Variants in PCDH7 observed in about 807,000 individuals in gnomAD.
PCDH7 encodes the protein protocadherin-7.
A neutral mutation model predicts 58.9 loss-of-function variants in PCDH7; 17 were observed. The ratio of observed to expected loss-of-function variants is 0.29; its 90% CI spans 0.20 to 0.43. The LOEUF (loss-of-function observed/expected upper bound fraction) is 0.43. PCDH7 is among the 20% of genes least tolerant of loss of function. PCDH7 has a pLI of 1.00. For missense variants in PCDH7, 1,274 were observed against 1,441.0 expected (o/e 0.88, Z 1.88); for synonymous variants, 664 against 616.4 (o/e 1.08, Z -1.14).
At chr4:30,807,180 AC>A (rs1453308712) in intron 1 of PCDH7, among the ~76,000 whole-genome samples, 1 of 152,224 alleles carries the variant, frequency 6.6e-6, no homozygotes, top group Non-Finnish European at 1.5e-5. Flanking sequence ...TACCAAAATA[AC>A]CTGAACATTG....
At chr4:31,107,761 CTT>C (rs922134226) in intron 3 of PCDH7, among the ~76,000 whole-genome samples, 40 of 152,042 alleles carry the variant, frequency 2.6e-4, no homozygotes, top group African/African-American at 9.4e-4. Context: ...AAAATATAGT[CTT>C]TGAAGTCAGT....
At chr4:31,052,017 C>A (rs920272878) in intron 3 of PCDH7, among the ~76,000 whole-genome samples, 7 of 151,958 alleles carry the variant, frequency 4.6e-5, no homozygotes, top group African/African-American at 1.7e-4. Flanking sequence ...GGTAATTTTG[C>A]AAATATCTGA....
chr4:31,143,795 A>T (rs796975904), downstream of PCDH7: 8 of 152,330 alleles, frequency 5.3e-5, no homozygotes, highest in African/African-American at 1.9e-4. Context: ...GCACAGAAAC[A>T]ATCAAACACT....
chr4:30,929,989 T>C (rs1744362421), intron 2 of PCDH7, among the ~76,000 whole-genome samples: 1 of 152,294 alleles, frequency 6.6e-6, no homozygotes, highest in Non-Finnish European at 1.5e-5. Flanking sequence ...ATTTGTTGAG[T>C]ATTTATTTTA....
At chr4:30,999,339 C>T (rs1162163965) in intron 3 of PCDH7, among the ~76,000 whole-genome samples, 2 of 152,054 alleles carry the variant, frequency 1.3e-5, no homozygotes, top group African/African-American at 4.8e-5. Flanking sequence ...ACAGGAAACA[C>T]TTAATAGATG....
At chr4:31,054,181 G>C (rs1201530495) in intron 3 of PCDH7, among the ~76,000 whole-genome samples, 1 of 152,032 alleles carries the variant, frequency 6.6e-6, no homozygotes, top group South Asian at 2.1e-4. Context: ...GCCCAGGCTG[G>C]TCTCAAACTC....
intron 1 of PCDH7, among the ~76,000 whole-genome samples, chr4:30,868,371 C>G (rs773783074): frequency 1.3e-5 from 2 of 152,000 alleles, no homozygotes; most frequent in Non-Finnish European, 2.9e-5. Context: ...TTGCAAAACC[C>G]CAATTTTAAA....
chr4:30,873,439 C>T (rs1047664679), intron 1 of PCDH7, among the ~76,000 whole-genome samples: 61 of 109,298 alleles, frequency 5.6e-4, no homozygotes, highest in African/African-American at 2.0e-3. Context: ...CTCTTGGCTA[C>T]CCAATGTTAT....
At chr4:30,889,394 G>T (rs898332449) in intron 1 of PCDH7, among the ~76,000 whole-genome samples, 1 of 151,878 alleles carries the variant, frequency 6.6e-6, no homozygotes, top group Admixed American at 6.6e-5. Context: ...CAAATTGATC[G>T]TTGTCAACAT....
chr4:30,980,350 T>C (rs1750445149), intron 3 of PCDH7, among the ~76,000 whole-genome samples: 1 of 152,232 alleles, frequency 6.6e-6, no homozygotes, highest in South Asian at 2.1e-4. Flanking sequence ...ATAAATTGTT[T>C]TTTTTGTGTG....
intron 3 of PCDH7, among the ~76,000 whole-genome samples, chr4:31,035,898 A>G (rs1755370805): frequency 6.6e-6 from 1 of 152,192 alleles, no homozygotes; most frequent in Non-Finnish European, 1.5e-5. Context: ...TATTTATGGT[A>G]GCGATAAGGG....
intron 1 of PCDH7, among the ~76,000 whole-genome samples, chr4:30,871,813 T>A (rs956375027): frequency 6.6e-6 from 1 of 152,068 alleles, no homozygotes; most frequent in Admixed American, 6.6e-5. Flanking sequence ...GAGACTCTGG[T>A]AGCAACCTTC....
chr4:30,921,290 T>C (rs1743161258), intron 2 of PCDH7, among the ~76,000 whole-genome samples: 1 of 152,124 alleles, frequency 6.6e-6, no homozygotes, highest in African/African-American at 2.4e-5. Context: ...ACACACATTT[T>C]ATCCCTAGTA....
At chr4:30,982,622 A>T (rs1306177549) in intron 3 of PCDH7, among the ~76,000 whole-genome samples, 1 of 152,196 alleles carries the variant, frequency 6.6e-6, no homozygotes, top group East Asian at 1.9e-4. Flanking sequence ...TTAACAAAAC[A>T]ACTCTTAACC....
At chr4:31,117,631 C>G (rs1717161078) in intron 3 of PCDH7, among the ~76,000 whole-genome samples, 1 of 152,028 alleles carries the variant, frequency 6.6e-6, no homozygotes, top group Non-Finnish European at 1.5e-5. Context: ...TTGCTAAAAC[C>G]ATGAATTTTC....
intron 3 of PCDH7, among the ~76,000 whole-genome samples, chr4:31,126,989 G>T (rs973961657): frequency 3.0e-4 from 45 of 152,290 alleles, no homozygotes; most frequent in Admixed American, 9.2e-4. Context: ...TGAATTCATT[G>T]CTCACATGGG....
downstream of PCDH7, among the ~76,000 whole-genome samples, chr4:30,737,016 C>T (rs186278992): frequency 2.9e-3 from 443 of 152,210 alleles, 5 homozygotes; most frequent in African/African-American, 9.1e-3. Flanking sequence ...TTCTTACCAC[C>T]TTCTTACTGG....
At chr4:30,735,825 G>C (rs1399291618), downstream of PCDH7, among the ~76,000 whole-genome samples, 1 of 152,192 alleles carries the variant, frequency 6.6e-6, no homozygotes, top group African/African-American at 2.4e-5. Context: ...TGACCATAAG[G>C]ATGCCAGTAA....
chr4:30,996,500 A>G (rs1751911804), intron 3 of PCDH7, among the ~76,000 whole-genome samples: 1 of 152,158 alleles, frequency 6.6e-6, no homozygotes, highest in African/African-American at 2.4e-5. Flanking sequence ...GAGGAAAATG[A>G]CTTTTCTTCC....
Sources: gnomAD v4.1 joint callset for allele counts (sites outside exome capture counted in the v4.1 genomes callset) on GRCh38, gnomAD v4.1.1 for gene constraint, MANE v1.5 for transcripts, NCBI Gene and HGNC (gene_info 2026-07-23, HGNC 2026-07-21) for gene names.